The following SYT16 variants were observed in gnomAD, a reference collection of about 807,000 sequenced individuals.
SYT16 encodes the protein synaptotagmin 16, also known as synaptotagmin-16.
In SYT16, 42 loss-of-function variants were observed where a neutral mutation model predicts 61.4. The observed-to-expected ratio is 0.68, with a 90% confidence interval of 0.53 to 0.89. The LOEUF (loss-of-function observed/expected upper bound fraction) is 0.89. Among genes scored for constraint, SYT16 ranks in the 40% least tolerant of loss-of-function variants. SYT16 has a pLI of 0.00. For synonymous variants in SYT16, 314 were observed against 302.3 expected (o/e 1.04, Z -0.40); for missense variants, 804 against 807.3 (o/e 1.00, Z 0.05).
intron 3 of SYT16, among the ~76,000 whole-genome samples, chr14:62,064,642 G>A (rs962139201): frequency 2.0e-5 from 3 of 152,168 alleles, no homozygotes; most frequent in Non-Finnish European, 2.9e-5. Context: ...GGAGCGTAAT[G>A]GACTATTAAT....
chr14:61,960,365 C>T (rs1395593384), intron 1 of SYT16, among the ~76,000 whole-genome samples: 2 of 152,160 alleles, frequency 1.3e-5, no homozygotes, highest in Admixed American at 6.5e-5. Flanking sequence ...TTTGTGTCAT[C>T]TCTAATTTCT....
At chr14:61,822,582 T>G (rs1037490300) in intron 1 of SYT16, among the ~76,000 whole-genome samples, 2 of 152,204 alleles carry the variant, frequency 1.3e-5, no homozygotes, top group African/African-American at 4.8e-5. Flanking sequence ...CTTTCCAACC[T>G]GAGAGCTGTT....
chr14:61,926,300 G>A (rs968613997), intron 1 of SYT16, among the ~76,000 whole-genome samples: 1 of 152,286 alleles, frequency 6.6e-6, no homozygotes, highest in Admixed American at 6.5e-5. Context: ...GAAACACAGT[G>A]TTTAGTTTTT....
At chr14:61,974,601 A>G (rs1311054651) in intron 2 of SYT16, among the ~76,000 whole-genome samples, 1 of 152,154 alleles carries the variant, frequency 6.6e-6, no homozygotes, top group Non-Finnish European at 1.5e-5. Context: ...AAATAAACTC[A>G]CACCAGTGCC....
At chr14:62,015,470 A>T (rs1416410463) in intron 3 of SYT16, among the ~76,000 whole-genome samples, 1 of 151,376 alleles carries the variant, frequency 6.6e-6, no homozygotes, top group Non-Finnish European at 1.5e-5. Flanking sequence ...CCTTATGAAG[A>T]CATTTGCCTT....
intron 3 of SYT16, among the ~76,000 whole-genome samples, chr14:62,005,158 G>A (rs1414552691): frequency 6.6e-6 from 1 of 152,174 alleles, no homozygotes; most frequent in Non-Finnish European, 1.5e-5. Flanking sequence ...ATGTGGCCTT[G>A]TCATGGGTGA....
At chr14:62,071,254 A>T (rs956027211) in intron 4 of SYT16, among the ~76,000 whole-genome samples, 1 of 152,198 alleles carries the variant, frequency 6.6e-6, no homozygotes, top group African/African-American at 2.4e-5. Flanking sequence ...AGCTAATGAA[A>T]GTTAATAGCA....
intron 1 of SYT16, among the ~76,000 whole-genome samples, chr14:61,877,863 G>A (rs992386818): frequency 2.0e-5 from 3 of 152,190 alleles, no homozygotes; most frequent in Non-Finnish European, 4.4e-5. Context: ...TTATTTAGGC[G>A]TTAACTAGAC....
rs2057572295 is a variant in SYT16, at chr14:62,109,623, A to G, written c.*8916A>G. Reference sequence around the variant, plus strand: ...ATAATTTCATAATTTATATTACCCTATCTATGAGTTTTTCCCTCCATTGGA... The same window carrying G: ...ATAATTTCATAATTTATATTACCCTGTCTATGAGTTTTTCCCTCCATTGGA... On this transcript the variant is annotated 3_prime_UTR_variant, in exon 8 of 8. Coordinates refer to ENST00000683842, the MANE Select transcript of SYT16 (RefSeq NM_001367656.1). The G allele has an allele frequency of 6.6e-6, 1 of 152,124 alleles. No individual in the cohort carries two copies. The highest frequency in any genetic ancestry group is 1.5e-5 in the Non-Finnish European group (1 of 68,012). The allele number at this position is 152,124 out of a possible 1,614,324, so 9.4% of individuals were successfully genotyped here.
At chr14:61,817,419 C>CAAAAAAAAA (rs58438991) in intron 1 of SYT16, among the ~76,000 whole-genome samples, 2 of 82,586 alleles carry the variant, frequency 2.4e-5, no homozygotes, top group Non-Finnish European at 2.6e-5. Context: ...ACTCCATCTC[C>CAAAAAAAAA]AAAAAAAAAA....
At chr14:62,007,659 T>C (rs141614740) in intron 3 of SYT16, among the ~76,000 whole-genome samples, 2 of 152,272 alleles carry the variant, frequency 1.3e-5, no homozygotes, top group African/African-American at 4.8e-5. Context: ...AGTTAGAATA[T>C]GTAAGATACA....
intron 1 of SYT16, among the ~76,000 whole-genome samples, chr14:61,901,749 T>TA (rs2048522515): frequency 1.4e-5 from 2 of 146,988 alleles, no homozygotes; most frequent in Non-Finnish European, 3.0e-5. Context: ...CTTATAATAA[T>TA]AATAATAATA....
At chr14:61,961,755 C>T (rs896835902) in intron 1 of SYT16, among the ~76,000 whole-genome samples, 3 of 152,140 alleles carry the variant, frequency 2.0e-5, no homozygotes, top group African/African-American at 7.2e-5. Context: ...ACCCACCAAT[C>T]CCATTAGTGA....
intron 1 of SYT16, among the ~76,000 whole-genome samples, chr14:61,943,093 A>T (rs968800617): frequency 6.6e-6 from 1 of 152,336 alleles, no homozygotes; most frequent in African/African-American, 2.4e-5. Flanking sequence ...ATCAGAGAAT[A>T]CTATAAACAC....
intron 3 of SYT16, among the ~76,000 whole-genome samples, chr14:62,057,561 A>G (rs1309865885): frequency 6.6e-6 from 1 of 152,168 alleles, no homozygotes; most frequent in Non-Finnish European, 1.5e-5. Context: ...GAGAAATGCA[A>G]CATTTCATGG....
intron 1 of SYT16, among the ~76,000 whole-genome samples, chr14:61,965,904 C>A (rs2051296497): frequency 6.6e-6 from 1 of 151,722 alleles, no homozygotes; most frequent in Non-Finnish European, 1.5e-5. Flanking sequence ...CAGAAGGATA[C>A]ATTCTGGTAA....
At chr14:61,942,126 G>C (rs1397297758) in intron 1 of SYT16, among the ~76,000 whole-genome samples, 1 of 152,210 alleles carries the variant, frequency 6.6e-6, no homozygotes, top group African/African-American at 2.4e-5. Context: ...ATTGCTTACA[G>C]ATGTAGATAA....
rs1229667212 is a variant in SYT16, at chr14:62,102,802, T to C, written c.*2095T>C. On this transcript the variant is annotated 3_prime_UTR_variant, in exon 8 of 8. Coordinates refer to ENST00000683842, the MANE Select transcript of SYT16 (RefSeq NM_001367656.1). ...ATTTTCCTGCTGCTGCATCCTTGTT[T>C]CTTGGTACCCAATAATCACCTATAC... 1 of 152,226 alleles carries C rather than the reference T, an allele frequency of 6.6e-6. No individual in the cohort carries two copies. The highest frequency in any genetic ancestry group is 1.9e-4 in the East Asian group (1 of 5,206). 9.4% of individuals were successfully genotyped at this position (152,226 alleles called of 1,614,324 possible).
Position 62,084,395 on chromosome 14 carries a change from A to C in SYT16, c.1624+10A>C, listed in dbSNP as rs753659977. On this transcript the variant is annotated intron_variant, in intron 7 of 7. Transcript: ENST00000683842. ...GTTAACCGAGCACCTGGTAAGTGTG[A>C]GTCTGTTCTCCCAGCTCTGGTTCTT... The C allele has an allele frequency of 6.2e-7, 1 of 1,608,360 alleles. No homozygotes were observed. The highest frequency in any genetic ancestry group is 8.5e-7 in the Non-Finnish European group (1 of 1,178,566).
Sources: gnomAD v4.1 joint callset for allele counts (sites outside exome capture counted in the v4.1 genomes callset) on GRCh38, gnomAD v4.1.1 for gene constraint, MANE v1.5 for transcripts, NCBI Gene and HGNC (gene_info 2026-07-23, HGNC 2026-07-21) for gene names.